Variants in EPHA5 observed in about 807,000 individuals in gnomAD.
EPHA5 encodes ephrin type-A receptor 5.
Under a neutral mutation model 105.0 loss-of-function variants are expected in EPHA5, and 60 were observed. That is an observed-to-expected ratio of 0.57 (90% CI 0.46 to 0.71). EPHA5 has a LOEUF of 0.71. EPHA5 is among the 30% of genes least tolerant of loss of function. The probability of loss-of-function intolerance (pLI) is 0.00; values close to 1 mark genes in which losing one functional copy is unlikely to be tolerated. For synonymous variants in EPHA5, 513 were observed against 449.1 expected, an observed-to-expected ratio of 1.14 and a Z score of -1.80; for missense variants, 1,218 against 1,274.7, an observed-to-expected ratio of 0.96 and a Z score of 0.68.
At chr4:65,386,485 G>A (rs1171682687) in intron 8 of EPHA5, among the ~76,000 whole-genome samples, 1 of 151,778 alleles carries the variant, frequency 6.6e-6, no homozygotes, top group East Asian at 1.9e-4. Context: ...TGAATTTTAT[G>A]AATGTGTTCT....
chr4:65,574,687 T>TATATATAC (rs1553942786), intron 3 of EPHA5, among the ~76,000 whole-genome samples: 10 of 47,962 alleles, frequency 2.1e-4, no homozygotes, highest in South Asian at 6.6e-4. Flanking sequence ...TACATATATA[T>TATATATAC]ACATATATAT....
intron 5 of EPHA5, among the ~76,000 whole-genome samples, chr4:65,442,833 C>T (rs1336346962): frequency 6.6e-6 from 1 of 151,886 alleles, no homozygotes; most frequent in Admixed American, 6.6e-5. Flanking sequence ...TGACAGTGCC[C>T]CATAAGGTGA....
chr4:65,547,998 C>A (rs1171326632), intron 3 of EPHA5, among the ~76,000 whole-genome samples: 1 of 151,458 alleles, frequency 6.6e-6, no homozygotes, highest in African/African-American at 2.4e-5. Context: ...GAAAATACTC[C>A]TTTACATCAA....
chr4:65,583,620 G>A (rs1741851778), intron 3 of EPHA5, among the ~76,000 whole-genome samples: 1 of 151,662 alleles, frequency 6.6e-6, no homozygotes, highest in South Asian at 2.1e-4. Context: ...TATCGCCTAT[G>A]GTACTAATTA....
chr4:65,438,902 T>C (rs1725748929), intron 5 of EPHA5, among the ~76,000 whole-genome samples: 1 of 152,136 alleles, frequency 6.6e-6, no homozygotes, highest in Admixed American at 6.6e-5. Context: ...GAACTGAAGT[T>C]CTGAGAAGGT....
intron 14 of EPHA5, among the ~76,000 whole-genome samples, chr4:65,339,884 A>G (rs1233285944): frequency 2.0e-5 from 3 of 152,276 alleles, no homozygotes; most frequent in East Asian, 3.9e-4. Context: ...CATGGGGAGA[A>G]CCCGCATGGT....
chr4:65,375,247 T>C (rs1461693361), intron 8 of EPHA5, among the ~76,000 whole-genome samples: 2 of 151,910 alleles, frequency 1.3e-5, no homozygotes, highest in Non-Finnish European at 2.9e-5. Context: ...ACTGGTAGCA[T>C]TTTACTGAGT....
At chr4:65,392,933 A>G (rs558324456) in intron 8 of EPHA5, among the ~76,000 whole-genome samples, 1 of 152,264 alleles carries the variant, frequency 6.6e-6, no homozygotes, top group East Asian at 1.9e-4. Context: ...CCGGCAGAAG[A>G]GAGAAGATAT....
intron 8 of EPHA5, among the ~76,000 whole-genome samples, chr4:65,402,907 G>T (rs1162044010): frequency 6.6e-6 from 1 of 152,108 alleles, no homozygotes; most frequent in African/African-American, 2.4e-5. Context: ...CAGGGATATA[G>T]GTTGTGCATT....
rs779844711 is a variant in EPHA5, at chr4:65,365,216, T to C, written c.1988-14A>G. 4 of 1,604,034 alleles carry C rather than the reference T, an allele frequency of 2.5e-6. No individual in the cohort carries two copies. The highest frequency in any genetic ancestry group is 3.4e-6 in the Non-Finnish European group (4 of 1,174,518). ...CACCAAATTCACCTTGTGATAAAGATGAAAAAAATGCAAAAACTCATTTGA... is the reference window on the plus strand; with the variant it reads ...CACCAAATTCACCTTGTGATAAAGACGAAAAAAATGCAAAAACTCATTTGA... On this transcript the variant is annotated splice_polypyrimidine_tract_variant and intron_variant, in intron 10 of 16. Transcript: ENST00000613740.
intron 3 of EPHA5, among the ~76,000 whole-genome samples, chr4:65,504,322 C>T (rs1005052041): frequency 1.4e-4 from 21 of 150,362 alleles, no homozygotes; most frequent in African/African-American, 5.1e-4. Flanking sequence ...AACTTCTATA[C>T]TCCATTACCA....
At chr4:65,446,975 A>ATTTTTTTTTTTTTTTTTTTTTTTTTTTTT (rs397993760) in intron 5 of EPHA5, among the ~76,000 whole-genome samples, 2 of 112,920 alleles carry the variant, frequency 1.8e-5, no homozygotes. Context: ...TTAAAAGCTC[A>ATTTTTTTTTTTTTTTTTTTTTTTTTTTTT]TTTTTTTTTT....
intron 3 of EPHA5, among the ~76,000 whole-genome samples, chr4:65,572,840 G>A (rs752771247): frequency 6.6e-6 from 1 of 150,762 alleles, no homozygotes; most frequent in Admixed American, 6.6e-5. Flanking sequence ...AGACCAGCCT[G>A]GCCAACATAG....
At chr4:65,376,476 T>C (rs551018356) in intron 8 of EPHA5, among the ~76,000 whole-genome samples, 3 of 152,198 alleles carry the variant, frequency 2.0e-5, no homozygotes, top group Non-Finnish European at 4.4e-5. Context: ...ATATCACTTC[T>C]GATATCTGTC....
At chr4:65,623,725 G>T (rs1745900109) in intron 2 of EPHA5, among the ~76,000 whole-genome samples, 1 of 152,040 alleles carries the variant, frequency 6.6e-6, no homozygotes, top group South Asian at 2.1e-4. Context: ...AAACATTTTT[G>T]CCTCATGACA....
intron 3 of EPHA5, among the ~76,000 whole-genome samples, chr4:65,527,081 T>G (rs560994753): frequency 8.5e-5 from 13 of 152,154 alleles, no homozygotes; most frequent in Admixed American, 7.9e-4. Flanking sequence ...AAAAGAGAAT[T>G]TGTATATAGT....
chr4:65,558,600 A>T (rs900754265), intron 3 of EPHA5, among the ~76,000 whole-genome samples: 13 of 152,138 alleles, frequency 8.5e-5, no homozygotes, highest in South Asian at 2.1e-4. Context: ...CGTGCAGGTT[A>T]GTTACATATG....
In EPHA5 at chr4:65,366,092, T is replaced by C. The variant is rs769018832; in HGVS notation, c.1862-35A>G. 7.7e-6 allele frequency: 12 copies of C among 1,556,214 alleles called. No individual in the cohort carries two copies. The Admixed American group carries it at 2.0e-4, about 26-fold the overall frequency. ...TAAATTGGCATTAAAACAGAAGTAG[T>C]TGTGATGGATGAGCAAAATTATGAA... On this transcript the variant is annotated intron_variant, in intron 9 of 16. Transcript: ENST00000613740.
At chr4:65,509,131 A>G (rs1400557221) in intron 3 of EPHA5, among the ~76,000 whole-genome samples, 1 of 152,156 alleles carries the variant, frequency 6.6e-6, no homozygotes, top group Non-Finnish European at 1.5e-5. Flanking sequence ...CAAGTGTCCT[A>G]CTGGGTCTTA....
Sources: allele counts gnomAD v4.1 joint callset (sites outside exome capture counted in the v4.1 genomes callset), GRCh38; gene constraint gnomAD v4.1.1; transcripts MANE v1.5; gene names NCBI Gene and HGNC (gene_info 2026-07-23, HGNC 2026-07-21).